Variants in TCERG1L observed in about 807,000 individuals in gnomAD.
TCERG1L encodes the protein transcription elongation regulator 1 like, also known as transcription elongation regulator 1-like protein.
In TCERG1L, 37 loss-of-function variants were observed where a neutral mutation model predicts 56.3. The ratio of observed to expected loss-of-function variants is 0.66; its 90% confidence interval spans 0.51 to 0.87. TCERG1L has a LOEUF of 0.87. Among genes scored for constraint, TCERG1L ranks in the 40% least tolerant of loss-of-function variants. The pLI is 0.00. For missense variants in TCERG1L, 799 were observed against 774.2 expected, an observed-to-expected ratio of 1.03 and a Z score of -0.38; for synonymous variants, 324 against 326.3, an observed-to-expected ratio of 0.99 and a Z score of 0.08.
chr10:131,164,735 A>G (rs1406477331), intron 5 of TCERG1L, among the ~76,000 whole-genome samples: 1 of 152,218 alleles, frequency 6.6e-6, no homozygotes, highest in Non-Finnish European at 1.5e-5. Flanking sequence ...AAAAATTGAA[A>G]GTCATCCTAA....
intron 4 of TCERG1L, among the ~76,000 whole-genome samples, chr10:131,245,369 A>G (rs1846020129): frequency 6.6e-6 from 1 of 152,164 alleles, no homozygotes; most frequent in Non-Finnish European, 1.5e-5. Flanking sequence ...TTCTGGGAAT[A>G]ACAGCCAACA....
At chr10:131,217,199 G>C (rs933974910) in intron 4 of TCERG1L, among the ~76,000 whole-genome samples, 1 of 152,034 alleles carries the variant, frequency 6.6e-6, no homozygotes, top group African/African-American at 2.4e-5. Context: ...TGCTATTCTC[G>C]TGACAGTGAG....
chr10:131,268,834 C>T (rs1394833409), intron 3 of TCERG1L, among the ~76,000 whole-genome samples: 1 of 152,222 alleles, frequency 6.6e-6, no homozygotes, highest in African/African-American at 2.4e-5. Flanking sequence ...TAGGAGCTTG[C>T]TCTGGATTAG....
At chr10:131,176,610 A>T (rs1846153891) in intron 4 of TCERG1L, among the ~76,000 whole-genome samples, 1 of 151,600 alleles carries the variant, frequency 6.6e-6, no homozygotes, top group Non-Finnish European at 1.5e-5. Context: ...ACACAGAGAC[A>T]CGTGCACACA....
chr10:131,093,864 G>C (rs1031773422), intron 11 of TCERG1L, among the ~76,000 whole-genome samples: 7 of 152,162 alleles, frequency 4.6e-5, no homozygotes, highest in African/African-American at 1.7e-4. Context: ...TGGTGATCTT[G>C]TTAAACCTCA....
At chr10:131,215,023 G>C (rs962062371) in intron 4 of TCERG1L, among the ~76,000 whole-genome samples, 6 of 152,198 alleles carry the variant, frequency 3.9e-5, no homozygotes, top group African/African-American at 1.2e-4. Flanking sequence ...GAGCTAGGCT[G>C]GGCGGTTCCC....
intron 4 of TCERG1L, among the ~76,000 whole-genome samples, chr10:131,244,167 C>A (rs571730832): frequency 2.7e-4 from 41 of 152,300 alleles, no homozygotes; most frequent in Non-Finnish European, 5.9e-4. Context: ...TCGGAAGAGG[C>A]TGCCCGTGGG....
At chr10:131,093,592 G>A (rs545749914) in intron 11 of TCERG1L, among the ~76,000 whole-genome samples, 16 of 152,258 alleles carry the variant, frequency 1.1e-4, no homozygotes, top group South Asian at 2.1e-4. Flanking sequence ...CTCCTCAGCC[G>A]TCTCATGCAG....
intron 3 of TCERG1L, among the ~76,000 whole-genome samples, chr10:131,281,276 T>C (rs1846448692): frequency 6.6e-6 from 1 of 152,184 alleles, no homozygotes; most frequent in Non-Finnish European, 1.5e-5. Context: ...CAGCTGAGCA[T>C]GCTGAGGAAT....
intron 4 of TCERG1L, among the ~76,000 whole-genome samples, chr10:131,247,499 G>T (rs1463400230): frequency 6.7e-6 from 1 of 148,940 alleles, no homozygotes; most frequent in African/African-American, 2.4e-5. Flanking sequence ...TTGAACTCTG[G>T]CAAGACCCAC....
At chr10:131,123,532 A>G (rs954338233) in intron 8 of TCERG1L, among the ~76,000 whole-genome samples, 3 of 152,174 alleles carry the variant, frequency 2.0e-5, no homozygotes, top group African/African-American at 7.2e-5. Flanking sequence ...TGTGGGGGGC[A>G]GTGCTCAGAG....
intron 4 of TCERG1L, among the ~76,000 whole-genome samples, chr10:131,187,506 C>G (rs1009145235): frequency 1.3e-5 from 2 of 152,154 alleles, no homozygotes; most frequent in African/African-American, 4.8e-5. Context: ...GGCCGGCGCC[C>G]ATCTCCCACC....
At chr10:131,228,919 T>C (rs1468818052) in intron 4 of TCERG1L, among the ~76,000 whole-genome samples, 1 of 126,024 alleles carries the variant, frequency 7.9e-6, no homozygotes, top group African/African-American at 3.2e-5. Context: ...CAGACAGGCA[T>C]TTCCTCAAGG....
intron 7 of TCERG1L, among the ~76,000 whole-genome samples, chr10:131,139,967 A>C (rs2133409259): frequency 6.6e-6 from 1 of 152,288 alleles, no homozygotes; most frequent in Admixed American, 6.5e-5. Context: ...TCTCTGAGTC[A>C]AATGTCTTCC....
At position 131,215,243 on chromosome 10, in the gene TCERG1L, C is replaced by T. The variant is rs148331337; in HGVS notation, c.856+45016G>A. Among the ~76,000 whole-genome samples, 235 of 152,320 alleles carry T rather than the reference C, an allele frequency of 1.5e-3. 1 individual carries two copies. The highest frequency in any genetic ancestry group is 5.2e-3 in the African/African-American group (217 of 41,570). ...CCCCAAGCCCGACACCCATGTTTCC[C>T]ATATTGAATCCACGTCGCCCCACAG... On this transcript the variant is annotated intron_variant, in intron 4 of 11. Coordinates refer to ENST00000368642, the MANE Select transcript of TCERG1L (RefSeq NM_174937.4).
At chr10:131,175,753 C>T (rs1012078254) in intron 4 of TCERG1L, among the ~76,000 whole-genome samples, 1 of 152,008 alleles carries the variant, frequency 6.6e-6, no homozygotes, top group Non-Finnish European at 1.5e-5. Flanking sequence ...CATAGTGAGC[C>T]AAGTAGGACT....
At chr10:131,228,474 T>C (rs1402982611) in intron 4 of TCERG1L, among the ~76,000 whole-genome samples, 48 of 7,656 alleles carry the variant, frequency 6.3e-3, no homozygotes, top group South Asian at 0.014. Flanking sequence ...TCCGGAGTCT[T>C]CCCTCCAGAC....
intron 11 of TCERG1L, chr10:131,095,730 T>G (rs966288854): frequency 1.3e-5 from 2 of 152,218 alleles, no homozygotes; most frequent in African/African-American, 2.4e-5. Flanking sequence ...CCTATAACAT[T>G]ATGTTGTATA....
intron 10 of TCERG1L, among the ~76,000 whole-genome samples, chr10:131,099,249 G>A (rs1330237645): frequency 6.6e-6 from 1 of 152,220 alleles, no homozygotes; most frequent in African/African-American, 2.4e-5. Flanking sequence ...CTGGAACCTG[G>A]CAGCCCGCAT....
Sources: gnomAD v4.1 joint callset for allele counts (sites outside exome capture counted in the v4.1 genomes callset) on GRCh38, gnomAD v4.1.1 for gene constraint, MANE v1.5 for transcripts, NCBI Gene and HGNC (gene_info 2026-07-23, HGNC 2026-07-21) for gene names.